The following AGAP1 variants were observed in gnomAD, a reference collection of about 807,000 sequenced individuals.
AGAP1 encodes arf-GAP with GTPase, ANK repeat and PH domain-containing protein 1.
In AGAP1, 29 loss-of-function variants were observed where a neutral mutation model predicts 105.3. The ratio of observed to expected loss-of-function variants is 0.28; its 90% CI spans 0.21 to 0.38. AGAP1 has a LOEUF of 0.38. Among genes scored for constraint, AGAP1 ranks in the 10% least tolerant of loss-of-function variants. AGAP1 has a pLI of 1.00. For synonymous variants in AGAP1, 509 were observed against 485.9 expected (o/e 1.05, Z -0.63); for missense variants, 998 against 1,165.1 (o/e 0.86, Z 2.09).
At chr2:236,072,619 T>A (rs1358040293) in intron 16 of AGAP1, 1 of 152,138 alleles carries the variant, frequency 6.6e-6, no homozygotes, top group Non-Finnish European at 1.5e-5. Context: ...TAATTTAATT[T>A]ATTTATTTAT....
At chr2:235,595,162 G>A (rs1431085863) in intron 1 of AGAP1, among the ~76,000 whole-genome samples, 1 of 152,130 alleles carries the variant, frequency 6.6e-6, no homozygotes, top group African/African-American at 2.4e-5. Context: ...GCTTGGGAGA[G>A]GAGTAAGTGC....
At position 236,014,638 on chromosome 2, in the gene AGAP1, G is replaced by A. The variant is rs2125575591; in HGVS notation, c.1646-21923G>A. ...CTCTGTTCACCGCAGGGGAGTTGGA[G>A]GGCTCAGCCCAGGGAGCTCCATGGC... On this transcript the variant is annotated intron_variant, in intron 13 of 17. Coordinates refer to ENST00000304032, the MANE Select transcript of AGAP1 (RefSeq NM_001037131.3). This position sits in a 1 kb window ranked among gnomAD's most constrained non-coding sequence, Gnocchi z 6.3. Among the ~76,000 whole-genome samples the A allele has an allele frequency of 6.6e-6, 1 of 152,292 alleles. No individual in the cohort carries two copies. The highest frequency in any genetic ancestry group is 1.9e-4 in the East Asian group (1 of 5,164).
intron 1 of AGAP1, among the ~76,000 whole-genome samples, chr2:235,540,366 T>A (rs1166759427): frequency 6.6e-6 from 1 of 152,154 alleles, no homozygotes; most frequent in African/African-American, 2.4e-5. Context: ...TTGACCAGGC[T>A]GGTCTCAAAC....
rs2125884474 is a variant in AGAP1, at chr2:236,095,153, TC to T, written c.2115-25038del. On this transcript the variant is annotated intron_variant, in intron 16 of 17. Coordinates refer to ENST00000304032, the MANE Select transcript of AGAP1 (RefSeq NM_001037131.3). The surrounding 1 kb of genome is among the most constrained non-coding windows in gnomAD (Gnocchi z 4.1). Reference sequence around the variant, plus strand: ...GGTTGACGCCTGTAATTCCAACACTTCGGGAGGCCAAGGCGGGTGGATTGCT... The same window carrying T: ...GGTTGACGCCTGTAATTCCAACACTTGGGAGGCCAAGGCGGGTGGATTGCT... 6.6e-6 allele frequency among the ~76,000 whole-genome samples: 1 copy of T among 152,028 alleles called. No homozygotes were observed. Among genetic ancestry groups the T allele is most frequent in the African/African-American group, 2.4e-5 (1 of 41,470 alleles).
At chr2:235,607,369 T>C (rs1338747163) in intron 1 of AGAP1, among the ~76,000 whole-genome samples, 2 of 152,206 alleles carry the variant, frequency 1.3e-5, no homozygotes, top group Admixed American at 1.3e-4. Flanking sequence ...ATTCATGCAA[T>C]CTCACAGTTA....
Position 235,612,710 on chromosome 2 carries a change from C to T in AGAP1, c.164-96469C>T, listed in dbSNP as rs1010157964. On this transcript the variant is annotated intron_variant, in intron 1 of 17. Coordinates refer to ENST00000304032, the MANE Select transcript of AGAP1 (RefSeq NM_001037131.3). The surrounding 1 kb of genome is among the most constrained non-coding windows in gnomAD (Gnocchi z 4.3). ...TTGCTTGGGCACAGTGGTCCTTTTG[C>T]ATGGGGTGGCCGGCCAGGTGTGCTG... 2.7e-5 allele frequency among the ~76,000 whole-genome samples: 4 copies of T among 150,692 alleles called. No homozygotes were observed. The highest frequency in any genetic ancestry group is 9.9e-5 in the African/African-American group (4 of 40,566).
Position 235,960,086 on chromosome 2 carries a change from G to C in AGAP1, c.1484-8376G>C, listed in dbSNP as rs1352156790. Reference sequence around the variant, plus strand: ...CTGCAGCATGGCCTGGAAAGTCACTGCCTCAACTCCATGCCTCCAAATGGG... The same window carrying C: ...CTGCAGCATGGCCTGGAAAGTCACTCCCTCAACTCCATGCCTCCAAATGGG... On this transcript the variant is annotated intron_variant, in intron 12 of 17. Transcript: ENST00000304032. This position sits in a 1 kb window ranked among gnomAD's most constrained non-coding sequence, Gnocchi z 4.9. Among the ~76,000 whole-genome samples, 1 of 152,216 alleles carries C rather than the reference G, an allele frequency of 6.6e-6. No individual in the cohort carries two copies. The highest frequency in any genetic ancestry group is 2.4e-5 in the African/African-American group (1 of 41,464).
rs2051307394 is a variant in AGAP1 at position 235,906,388 on chromosome 2, T to C, written c.1156-2350T>C. On this transcript the variant is annotated intron_variant, in intron 10 of 17. Coordinates refer to ENST00000304032, the MANE Select transcript of AGAP1 (RefSeq NM_001037131.3). This position sits in a 1 kb window ranked among gnomAD's most constrained non-coding sequence, Gnocchi z 5.3. ...TCCTCCTGGTTCTGACCCTGGTGTT[T>C]TGAGCTTTCTGTCTGCACCAAGACT... Among the ~76,000 whole-genome samples the C allele has an allele frequency of 6.6e-6, 1 of 152,276 alleles. No individual in the cohort carries two copies. Among genetic ancestry groups the C allele is most frequent in the South Asian group, 2.1e-4 (1 of 4,828 alleles).
At position 236,089,050 on chromosome 2, in the gene AGAP1, G is replaced by A. The variant is rs3768930; in HGVS notation, c.2115-31142G>A. Among the ~76,000 whole-genome samples the A allele has an allele frequency of 0.1, 15,472 of 152,180 alleles. 1,229 individuals are homozygous for A. The highest frequency in any genetic ancestry group is 0.21 in the African/African-American group (8,896 of 41,490). On this transcript the variant is annotated intron_variant, in intron 16 of 17. Transcript: ENST00000304032. This position sits in a 1 kb window ranked among gnomAD's most constrained non-coding sequence, Gnocchi z 5.6. ...AGAAGGTAGAAGGTACATCACCACC[G>A]TCCATCACGTGAAGGAGTAGAAAAA...
chr2:236,013,331 C>G (rs999234919), intron 13 of AGAP1, among the ~76,000 whole-genome samples: 1 of 152,158 alleles, frequency 6.6e-6, no homozygotes, highest in African/African-American at 2.4e-5. Context: ...TAGTCATCAC[C>G]CTGGGTCATT....
intron 5 of AGAP1, among the ~76,000 whole-genome samples, chr2:235,745,723 A>T (rs145656702): frequency 9.2e-5 from 14 of 152,350 alleles, no homozygotes; most frequent in Admixed American, 6.5e-4. Context: ...TTAGGACGTC[A>T]GCTGTACATA....
rs181320337 is a variant in AGAP1 at position 235,866,489 on chromosome 2, G to A, written c.1051-16856G>A. Among the ~76,000 whole-genome samples, 6 of 152,318 alleles carry A rather than the reference G, an allele frequency of 3.9e-5. No individual in the cohort carries two copies. The highest frequency in any genetic ancestry group is 6.5e-5 in the Admixed American group (1 of 15,304). On this transcript the variant is annotated intron_variant, in intron 9 of 17. Coordinates refer to ENST00000304032, the MANE Select transcript of AGAP1 (RefSeq NM_001037131.3). This position sits in a 1 kb window ranked among gnomAD's most constrained non-coding sequence, Gnocchi z 6.1. ...AGTGTGACACCAGGGCCTGTGGGGCGTATTTGGTGAGACTGGTGAGGTCAG... is the reference window on the plus strand; with the variant it reads ...AGTGTGACACCAGGGCCTGTGGGGCATATTTGGTGAGACTGGTGAGGTCAG...
At chr2:235,863,924 G>A (rs958680561) in intron 9 of AGAP1, among the ~76,000 whole-genome samples, 3 of 152,342 alleles carry the variant, frequency 2.0e-5, no homozygotes, top group Admixed American at 6.5e-5. Context: ...AACAAGGGAA[G>A]TGTGTCATTC....
At chr2:235,898,418 G>C (rs951792091) in intron 10 of AGAP1, among the ~76,000 whole-genome samples, 2 of 151,950 alleles carry the variant, frequency 1.3e-5, no homozygotes, top group African/African-American at 4.8e-5. Flanking sequence ...AAAAAAGGTG[G>C]GGGAAGAGAA....
Position 235,570,582 on chromosome 2 carries a change from A to G in AGAP1, c.163+75733A>G, listed in dbSNP as rs1046434963. Among the ~76,000 whole-genome samples, 8 of 152,186 alleles carry G rather than the reference A, an allele frequency of 5.3e-5. 1 individual carries two copies. The highest frequency in any genetic ancestry group is 3.3e-4 in the Admixed American group (5 of 15,286). ...GAAGAAGCAGGTGCCCTCATCGAGCATTCCTTTGATCACTTGCTAGGTGTG... is the reference window on the plus strand; with the variant it reads ...GAAGAAGCAGGTGCCCTCATCGAGCGTTCCTTTGATCACTTGCTAGGTGTG... On this transcript the variant is annotated intron_variant, in intron 1 of 17. Transcript: ENST00000304032.
In AGAP1 at chr2:235,866,628, G is replaced by C. The variant is rs1575649380; in HGVS notation, c.1051-16717G>C. On this transcript the variant is annotated intron_variant, in intron 9 of 17. Transcript: ENST00000304032. This position sits in a 1 kb window ranked among gnomAD's most constrained non-coding sequence, Gnocchi z 6.1. ...CCTGTTCATGCACCTGTGTGTGTGA[G>C]TCAGCTCAAACTGCCATAACAGAAG... Among the ~76,000 whole-genome samples, 1 of 152,236 alleles carries C rather than the reference G, an allele frequency of 6.6e-6. No homozygotes were observed. The highest frequency in any genetic ancestry group is 1.9e-4 in the East Asian group (1 of 5,200).
rs920498889 is a variant in AGAP1 at position 235,792,980 on chromosome 2, G to T, written c.674-4779G>T. On this transcript the variant is annotated intron_variant, in intron 6 of 17. Transcript: ENST00000304032. This position sits in a 1 kb window ranked among gnomAD's most constrained non-coding sequence, Gnocchi z 5.3. ...CCAGGAGGATGCCAGGGAAGCACCC[G>T]CACTTCAGGAGCCAGCAAGGGAGGA... is the stretch of plus-strand genomic sequence containing the variant. Among the ~76,000 whole-genome samples, 3 of 152,130 alleles carry T rather than the reference G, an allele frequency of 2.0e-5. No homozygotes were observed. The highest frequency in any genetic ancestry group is 7.2e-5 in the African/African-American group (3 of 41,424).
chr2:235,898,603 A>G (rs1206325221), intron 10 of AGAP1, among the ~76,000 whole-genome samples: 1 of 152,030 alleles, frequency 6.6e-6, no homozygotes, highest in Admixed American at 6.6e-5. Flanking sequence ...AAATTGCCAC[A>G]TAAAGTCAAA....
chr2:235,684,502 A>G (rs1949274624), intron 1 of AGAP1, among the ~76,000 whole-genome samples: 1 of 152,238 alleles, frequency 6.6e-6, no homozygotes, highest in Admixed American at 6.5e-5. Context: ...CTGGGTGCTC[A>G]GAGGCTTCCT....
Sources: allele counts gnomAD v4.1 joint callset (sites outside exome capture counted in the v4.1 genomes callset), GRCh38; gene constraint gnomAD v4.1.1; non-coding constraint Gnocchi (gnomAD v3.1); transcripts MANE v1.5; gene names NCBI Gene and HGNC (gene_info 2026-07-23, HGNC 2026-07-21).